LIN52: variants seen among roughly 807,000 people sequenced by gnomAD.
LIN52 encodes lin-52 DREAM MuvB core complex component, also known as protein lin-52 homolog.
In LIN52, 4 loss-of-function variants were observed where a neutral mutation model predicts 18.5. That is an observed-to-expected ratio of 0.22 (90% CI 0.11 to 0.49). The LOEUF (loss-of-function observed/expected upper bound fraction) is 0.49, where lower values mean the gene tolerates loss of function less well. Among genes scored for constraint, LIN52 ranks in the 20% least tolerant of loss-of-function variants. The pLI, the probability that LIN52 is intolerant of heterozygous loss-of-function variation, is 0.97. For missense variants in LIN52, 102 were observed against 139.5 expected, an observed-to-expected ratio of 0.73 and a Z score of 1.35; for synonymous variants, 34 against 45.5, an observed-to-expected ratio of 0.75 and a Z score of 1.02.
At chr14:74,091,918 G>A (rs940330128) in intron 2 of LIN52, among the ~76,000 whole-genome samples, 6 of 151,980 alleles carry the variant, frequency 3.9e-5, no homozygotes, top group Non-Finnish European at 8.8e-5. Context: ...TAGCTGTTTG[G>A]TGGTTTAATT....
chr14:74,143,659 T>C (rs754905737), intron 5 of LIN52, among the ~76,000 whole-genome samples: 5 of 152,200 alleles, frequency 3.3e-5, no homozygotes, highest in Non-Finnish European at 7.3e-5. Flanking sequence ...TTTTAATTGA[T>C]ACATTATAAT....
intron 5 of LIN52, among the ~76,000 whole-genome samples, chr14:74,186,936 G>A (rs757573378): frequency 2.0e-5 from 3 of 152,102 alleles, no homozygotes; most frequent in Non-Finnish European, 2.9e-5. Flanking sequence ...AATATTAGCC[G>A]GGCGTTATGG....
chr14:74,132,052 C>T (rs1384805336), intron 5 of LIN52, among the ~76,000 whole-genome samples: 1 of 152,206 alleles, frequency 6.6e-6, no homozygotes. Context: ...AAGGGAAAGG[C>T]ATGTTAACAT....
At position 74,167,208 on chromosome 14, in the gene LIN52, A is replaced by G. The variant is rs114362947; in HGVS notation, c.284-31714A>G. ...TCAAATCCATGAAGGATAAAAGCAT[A>G]GGAGACAAATGTTCCTGGAGACAGG... On this transcript the variant is annotated intron_variant, in intron 5 of 5. Coordinates refer to ENST00000555028, the MANE Select transcript of LIN52 (RefSeq NM_001024674.3). Among the ~76,000 whole-genome samples the G allele has an allele frequency of 6.2e-3, 939 of 151,676 alleles. 14 individuals carry two copies. The highest frequency in any genetic ancestry group is 0.022 in the African/African-American group (905 of 41,348).
intron 5 of LIN52, among the ~76,000 whole-genome samples, chr14:74,137,498 C>CTTTTT (rs71460959): frequency 1.2e-4 from 13 of 111,602 alleles, no homozygotes; most frequent in East Asian, 3.9e-4. Context: ...CAGCAGCTCT[C>CTTTTT]TTTTTTTTTT....
At chr14:74,132,107 C>G (rs545143664) in intron 5 of LIN52, among the ~76,000 whole-genome samples, 1 of 152,314 alleles carries the variant, frequency 6.6e-6, no homozygotes, top group Admixed American at 6.5e-5. Context: ...TCATTTAATT[C>G]TCACTACTAT....
rs1297237880 is a variant in LIN52 at position 74,155,881 on chromosome 14, C to A, written c.284-43041C>A. ...TGGGTTTATTTATTTATTTTTAAAG[C>A]TTCTGTTGAGGCCTTTCCTCTAGCA... On this transcript the variant is annotated intron_variant, in intron 5 of 5. Coordinates refer to ENST00000555028, the MANE Select transcript of LIN52 (RefSeq NM_001024674.3). Among the ~76,000 whole-genome samples the A allele has an allele frequency of 4.6e-5, 7 of 152,188 alleles. No homozygotes were observed. In the South Asian group the frequency reaches 8.3e-4, roughly 18 times the overall value.
chr14:74,162,420 G>A (rs142628933), intron 5 of LIN52, among the ~76,000 whole-genome samples: 1 of 142,086 alleles, frequency 7.0e-6, no homozygotes, highest in African/African-American at 2.6e-5. Context: ...AGGTTGCAGT[G>A]AGAGGAAATC....
chr14:74,121,775 G>A (rs2061001525), intron 5 of LIN52, among the ~76,000 whole-genome samples: 1 of 149,404 alleles, frequency 6.7e-6, no homozygotes, highest in Non-Finnish European at 1.5e-5. Flanking sequence ...CCAGGCTGGG[G>A]TGCAGTGGCG....
chr14:74,085,712 G>A (rs1432507306), intron 1 of LIN52: 2 of 150,896 alleles, frequency 1.3e-5, no homozygotes, highest in African/African-American at 2.4e-5. Context: ...TAACAATTAA[G>A]TTGTTTTGGT....
At chr14:74,129,274 T>C (rs1183358895) in intron 5 of LIN52, among the ~76,000 whole-genome samples, 1 of 152,224 alleles carries the variant, frequency 6.6e-6, no homozygotes, top group Non-Finnish European at 1.5e-5. Context: ...AGACTTAATA[T>C]ATATTTAAAT....
At chr14:74,105,206 G>A (rs1446151836) in intron 5 of LIN52, among the ~76,000 whole-genome samples, 1 of 152,018 alleles carries the variant, frequency 6.6e-6, no homozygotes, top group East Asian at 1.9e-4. Context: ...CACAATTAAA[G>A]CCATTATTAC....
rs550075473 is a variant in LIN52, at chr14:74,169,205, A to T, written c.284-29717A>T. Among the ~76,000 whole-genome samples the T allele has an allele frequency of 3.9e-5, 6 of 152,296 alleles. No homozygotes were observed. In the East Asian group the frequency reaches 1.2e-3, roughly 29 times the overall value. On this transcript the variant is annotated intron_variant, in intron 5 of 5. Transcript: ENST00000555028. ...TGTTTCTAAAATGTCTTCTTTTCAC[A>T]CATCCCCAGTCCACATTTCTTTTTC...
At position 74,130,278 on chromosome 14, in the gene LIN52, G is replaced by GTTTGTTTTTTTTTTTTTTTTT. The variant is rs1555382571; in HGVS notation, c.283+29043_283+29044insGTTTTTTTTTTTTTTTTTTTT. On this transcript the variant is annotated intron_variant, in intron 5 of 5. Coordinates refer to ENST00000555028, the MANE Select transcript of LIN52 (RefSeq NM_001024674.3). ...GAATTTATTAGATAGGCATTTTTTG[G>GTTTGTTTTTTTTTTTTTTTTT]TTTTTTTTTTTTTTTTTTGAGACAG... Among the ~76,000 whole-genome samples, 91 of 64,816 alleles carry GTTTGTTTTTTTTTTTTTTTTT rather than the reference G, an allele frequency of 1.4e-3. 3 individuals are homozygous for GTTTGTTTTTTTTTTTTTTTTT. The highest frequency in any genetic ancestry group is 4.6e-3 in the African/African-American group (73 of 15,874). The allele number at this position is 64,816 out of a possible 152,430, so 42.5% of individuals were successfully genotyped here.
At chr14:74,195,628 C>G (rs2078908246) in intron 5 of LIN52, among the ~76,000 whole-genome samples, 1 of 151,944 alleles carries the variant, frequency 6.6e-6, no homozygotes, top group South Asian at 2.1e-4. Context: ...CTCCCTACTC[C>G]TAATGGGATT....
At chr14:74,112,459 GT>G (rs2060935614) in intron 5 of LIN52, among the ~76,000 whole-genome samples, 1 of 151,846 alleles carries the variant, frequency 6.6e-6, no homozygotes, top group African/African-American at 2.4e-5. Context: ...TAATTCAATA[GT>G]TTTTATATCT....
rs2078945747 is a variant in LIN52 at position 74,200,957 on chromosome 14, G to A, written c.*1980G>A. Reference sequence around the variant, plus strand: ...GGATACCTCCCCCAAACCAACTCAAGTCTGTAACTGGAAGCCAGGTGGTTG... The same window carrying A: ...GGATACCTCCCCCAAACCAACTCAAATCTGTAACTGGAAGCCAGGTGGTTG... On this transcript the variant is annotated 3_prime_UTR_variant, in exon 6 of 6. Coordinates refer to ENST00000555028, the MANE Select transcript of LIN52 (RefSeq NM_001024674.3). The A allele has an allele frequency of 1.3e-5, 2 of 152,198 alleles. No homozygotes were observed. Among genetic ancestry groups the A allele is most frequent in the African/African-American group, 2.4e-5 (1 of 41,450 alleles). The allele number at this position is 152,198 out of a possible 1,614,324, so 9.4% of individuals were successfully genotyped here. A position where few individuals can be genotyped will look rare whatever the true frequency, so the allele number is the denominator to read the frequency against.
chr14:74,114,665 C>T (rs1287990678), intron 5 of LIN52, among the ~76,000 whole-genome samples: 3 of 152,008 alleles, frequency 2.0e-5, no homozygotes, highest in Non-Finnish European at 2.9e-5. Flanking sequence ...TCTTTATTTT[C>T]TTAGAAATAA....
intron 5 of LIN52, among the ~76,000 whole-genome samples, chr14:74,168,741 C>A (rs114010683): frequency 0.014 from 2,072 of 151,916 alleles, 45 homozygotes; most frequent in African/African-American, 0.046. Flanking sequence ...TAATCTAATA[C>A]CTGAGTGAAC....
Sources: gnomAD v4.1 joint callset for allele counts (sites outside exome capture counted in the v4.1 genomes callset) on GRCh38, gnomAD v4.1.1 for gene constraint, MANE v1.5 for transcripts, NCBI Gene and HGNC (gene_info 2026-07-23, HGNC 2026-07-21) for gene names.